Variants in ERGIC2 observed in about 807,000 individuals in gnomAD.
ERGIC2 encodes the protein ERGIC and golgi 2.
Under a neutral mutation model 52.5 loss-of-function variants are expected in ERGIC2, and 31 were observed. That is an observed-to-expected ratio of 0.59 (90% CI 0.44 to 0.80). The LOEUF is 0.80. Among genes scored for constraint, ERGIC2 ranks in the 30% least tolerant of loss-of-function variants. ERGIC2 has a pLI of 0.00. For missense variants in ERGIC2, 395 were observed against 455.2 expected (o/e 0.87, Z 1.20); for synonymous variants, 129 against 140.6 (o/e 0.92, Z 0.58).
At chr12:29,346,195 T>C (rs1397636242) in intron 10 of ERGIC2, among the ~76,000 whole-genome samples, 3 of 144,214 alleles carry the variant, frequency 2.1e-5, no homozygotes, top group African/African-American at 7.8e-5. Context: ...TCTTTTTCCT[T>C]TTTTTTTTTT....
rs140620984 is a variant in ERGIC2, at chr12:29,354,734, G to A, written c.572+1648C>T. On this transcript the variant is annotated intron_variant, in intron 8 of 13. Coordinates refer to ENST00000360150, the MANE Select transcript of ERGIC2 (RefSeq NM_016570.3). ...ACCACCTGGGAAGGAAAGTGAAATT[G>A]TGAAAAGACCAAAAACAAATTTTAA... 2.0e-5 allele frequency among the ~76,000 whole-genome samples: 3 copies of A among 152,238 alleles called. No homozygotes were observed. The East Asian group carries it at 5.8e-4, about 29-fold the overall frequency.
chr12:29,353,337 T>C (rs939171082), intron 8 of ERGIC2, among the ~76,000 whole-genome samples: 1 of 152,186 alleles, frequency 6.6e-6, no homozygotes, highest in African/African-American at 2.4e-5. Flanking sequence ...TCCAATCATA[T>C]TGTCAGTCTA....
intron 11 of ERGIC2, among the ~76,000 whole-genome samples, chr12:29,344,240 AT>A (rs1438216468): frequency 6.6e-6 from 1 of 152,040 alleles, no homozygotes; most frequent in African/African-American, 2.4e-5. Context: ...ACATTTTTAT[AT>A]TTTTGCCCAC....
At chr12:29,360,572 C>A (rs1401036955) in intron 6 of ERGIC2, among the ~76,000 whole-genome samples, 1 of 146,414 alleles carries the variant, frequency 6.8e-6, no homozygotes, top group Non-Finnish European at 1.5e-5. Context: ...ATAATATACT[C>A]ATATATGATA....
chr12:29,363,252 T>C (rs775256193), intron 5 of ERGIC2, among the ~76,000 whole-genome samples: 6 of 152,118 alleles, frequency 3.9e-5, no homozygotes, highest in Non-Finnish European at 8.8e-5. Flanking sequence ...CTAAATGCAA[T>C]AGAAATAGCA....
chr12:29,364,642 A>G (rs1220509877), intron 5 of ERGIC2, among the ~76,000 whole-genome samples: 3 of 152,002 alleles, frequency 2.0e-5, no homozygotes, highest in Non-Finnish European at 4.4e-5. Context: ...CAGAAAACAA[A>G]AACAAAAACT....
intron 2 of ERGIC2, 42 bp downstream of exon 2, chr12:29,371,486 G>A: frequency 7.7e-7 from 1 of 1,291,154 alleles, no homozygotes; most frequent in Non-Finnish European, 1.1e-6. Context: ...TCACGCAGAA[G>A]TTGTACTTAC....
chr12:29,343,319 G>A (rs1949852245), intron 11 of ERGIC2, 37 bp from the exon 12 acceptor site: 1 of 1,522,548 alleles, frequency 6.6e-7, no homozygotes, highest in Admixed American at 1.9e-5. Flanking sequence ...GAAATAGGAG[G>A]AAGAGAGAAA....
chr12:29,360,527 T>C (rs890188440), intron 6 of ERGIC2, among the ~76,000 whole-genome samples: 6 of 147,646 alleles, frequency 4.1e-5, no homozygotes, highest in East Asian at 3.9e-4. Context: ...ATAAAATATA[T>C]AATGAATATA....
intron 11 of ERGIC2, among the ~76,000 whole-genome samples, chr12:29,343,697 A>ATAAGAG (rs2136849115): frequency 6.6e-6 from 1 of 152,322 alleles, no homozygotes; most frequent in South Asian, 2.1e-4. Flanking sequence ...CTCTTTCCCT[A>ATAAGAG]TTACTAGCAC....
chr12:29,369,060 C>T (rs1325267445), intron 3 of ERGIC2, among the ~76,000 whole-genome samples: 1 of 151,830 alleles, frequency 6.6e-6, no homozygotes, highest in Non-Finnish European at 1.5e-5. Context: ...TAATTTTCAT[C>T]TGATTTAAAA....
intron 1 of ERGIC2, 61 bp from the exon 2 acceptor site, chr12:29,371,731 A>T: frequency 4.0e-6 from 3 of 746,892 alleles, no homozygotes; most frequent in Non-Finnish European, 6.4e-6. Flanking sequence ...AGGTTTCTTT[A>T]AATTTAGGAT....
intron 5 of ERGIC2, among the ~76,000 whole-genome samples, chr12:29,365,111 A>C (rs955562362): frequency 1.3e-5 from 2 of 152,074 alleles, no homozygotes; most frequent in Admixed American, 1.3e-4. Flanking sequence ...CTGGGTATAT[A>C]CTCAAAGGAA....
Position 29,343,282 on chromosome 12 carries a change from C to T in ERGIC2, c.826G>A (p.Glu276Lys). 1.9e-6 allele frequency: 3 copies of T among 1,571,410 alleles called. No individual in the cohort carries two copies. Among genetic ancestry groups the T allele is most frequent in the African/African-American group, 2.7e-5 (2 of 73,354 alleles). Residue 276 changes from glutamate (E) to lysine (K), a missense_variant and splice_region_variant, in exon 12 of 14, where the codon GAA (glutamate) becomes AAA (lysine). By Grantham distance (56) the Glu-to-Lys change is moderately conservative. Transcript: ENST00000360150. ...CCTGCAGCATGGTTAATGATACGTTCCTAAAAGGGAGGCAAAAGGAAGGGG... is the reference window on the plus strand; with the variant it reads ...CCTGCAGCATGGTTAATGATACGTTTCTAAAAGGGAGGCAAAAGGAAGGGG... Reference protein sequence around the residue: ...DTHQFSVTERERIINHAAGSH... With the variant: ...DTHQFSVTERKRIINHAAGSH...
chr12:29,361,427 TAA>T (rs955431752), intron 6 of ERGIC2, among the ~76,000 whole-genome samples: 4 of 152,200 alleles, frequency 2.6e-5, no homozygotes, highest in African/African-American at 7.2e-5. Context: ...AAATAAAAAC[TAA>T]AACTTATGAA....
intron 3 of ERGIC2, among the ~76,000 whole-genome samples, chr12:29,368,557 C>T (rs1940395895): frequency 6.6e-6 from 1 of 151,800 alleles, no homozygotes; most frequent in Non-Finnish European, 1.5e-5. Context: ...CTCTAAGCAA[C>T]TCAGAAAAAG....
chr12:29,344,712 G>A (rs1188502473), intron 11 of ERGIC2, among the ~76,000 whole-genome samples: 1 of 151,912 alleles, frequency 6.6e-6, no homozygotes, highest in African/African-American at 2.4e-5. Flanking sequence ...GTCATCATGA[G>A]TTATAAGGCT....
At chr12:29,373,908 G>C (rs1255004857) in intron 1 of ERGIC2, among the ~76,000 whole-genome samples, 1 of 152,176 alleles carries the variant, frequency 6.6e-6, no homozygotes, top group African/African-American at 2.4e-5. Context: ...AACTTGTTTA[G>C]CTCTGATAAT....
chr12:29,355,552 C>A (rs1454442559), intron 8 of ERGIC2, among the ~76,000 whole-genome samples: 2 of 152,132 alleles, frequency 1.3e-5, no homozygotes, highest in Non-Finnish European at 2.9e-5. Flanking sequence ...AAAAATTTCA[C>A]AAGTGTTTAT....
Sources: gnomAD v4.1 joint callset for allele counts (sites outside exome capture counted in the v4.1 genomes callset) on GRCh38, gnomAD v4.1.1 for gene constraint, MANE v1.5 for transcripts, NCBI Gene and HGNC (gene_info 2026-07-23, HGNC 2026-07-21) for gene names.